The following AMN1 variants were observed in gnomAD, a reference collection of about 807,000 sequenced individuals.
The protein encoded by AMN1 is antagonist of mitotic exit network 1 homolog, also known as protein AMN1 homolog.
In AMN1, 20 loss-of-function variants were observed where a neutral mutation model predicts 33.0. That is an observed-to-expected ratio of 0.61 (90% CI 0.43 to 0.88). The LOEUF (loss-of-function observed/expected upper bound fraction) is 0.88. Ranked by LOEUF, AMN1 falls within the 40% of genes least tolerant of loss-of-function variation. The pLI is 0.00. For missense variants in AMN1, 246 were observed against 307.4 expected (o/e 0.80, Z 1.49); for synonymous variants, 114 against 111.9 (o/e 1.02, Z -0.12).
In AMN1 at chr12:31,709,364, G is replaced by A; in HGVS notation, c.100C>T (p.Pro34Ser). The change falls in exon 2 of 7, where the codon CCC becomes TCC. Residue 34 changes from proline (P) to serine (S), a missense_variant. Physicochemically the swap from Pro to Ser is moderately conservative, Grantham distance 74. Coordinates refer to ENST00000281471, the MANE Select transcript of AMN1 (RefSeq NM_001113402.2). ...RYLTDIKPLP[P>S]NIKDRLIKIM... Reference sequence around the variant, plus strand: ...TTAATCAGTCTGTCTTTTATGTTGGGAGGCAAAGGCTTAATGTCTGTGAGA... The same window carrying A: ...TTAATCAGTCTGTCTTTTATGTTGGAAGGCAAAGGCTTAATGTCTGTGAGA... 2.5e-6 allele frequency: 4 copies of A among 1,613,760 alleles called. No individual in the cohort carries two copies. Among genetic ancestry groups the A allele is most frequent in the Non-Finnish European group, 3.4e-6 (4 of 1,179,790 alleles).
chr12:31,724,223 A>T lies in AMN1; in HGVS notation c.38+4748T>A, dbSNP rs569062675. ...AACAACAACAACAATAAAATAGAAC[A>T]GTTATAACAACATCTACAAGGATTG... On this transcript the variant is annotated intron_variant, in intron 1 of 6. Coordinates refer to ENST00000281471, the MANE Select transcript of AMN1 (RefSeq NM_001113402.2). 5.9e-5 allele frequency among the ~76,000 whole-genome samples: 9 copies of T among 152,372 alleles called. 1 individual carries two copies. Among genetic ancestry groups the T allele is most frequent in the African/African-American group, 2.2e-4 (9 of 41,586 alleles).
In AMN1 at chr12:31,676,958, G is replaced by C. The variant is rs558893065; in HGVS notation, c.704-4581C>G. On this transcript the variant is annotated intron_variant, in intron 6 of 6. Transcript: ENST00000281471. ...ATTATGCTACAGGGAAAAACTATGGGGTCGCTAAGTATTTCATAATCTCTT... is the reference window on the plus strand; with the variant it reads ...ATTATGCTACAGGGAAAAACTATGGCGTCGCTAAGTATTTCATAATCTCTT... Among the ~76,000 whole-genome samples the C allele has an allele frequency of 2.0e-5, 3 of 151,704 alleles. No homozygotes were observed. In the South Asian group the frequency reaches 6.2e-4, roughly 31 times the overall value.
At chr12:31,703,058 C>T (rs1249339741) in intron 2 of AMN1, among the ~76,000 whole-genome samples, 2 of 151,228 alleles carry the variant, frequency 1.3e-5, no homozygotes, top group Admixed American at 1.3e-4. Flanking sequence ...ATTTAATATT[C>T]TCTCTCTCTC....
At chr12:31,712,799 G>A (rs1592171887) in intron 1 of AMN1, among the ~76,000 whole-genome samples, 1 of 152,058 alleles carries the variant, frequency 6.6e-6, no homozygotes, top group East Asian at 1.9e-4. Context: ...GGGACTACAG[G>A]TGCATGCCAC....
intron 6 of AMN1, among the ~76,000 whole-genome samples, chr12:31,675,747 T>C (rs925884147): frequency 2.0e-5 from 3 of 151,740 alleles, no homozygotes; most frequent in Non-Finnish European, 4.4e-5. Context: ...TGAGACCTGA[T>C]CCACCTGCCT....
chr12:31,689,221 T>A, intron 5 of AMN1, 103 bp from the exon 6 acceptor site: 1 of 761,804 alleles, frequency 1.3e-6, no homozygotes, highest in Non-Finnish European at 2.1e-6. Flanking sequence ...ACCAGATATC[T>A]ACTTGCAAAA....
At chr12:31,698,093 A>G in intron 3 of AMN1, 136 bp from the exon 4 acceptor site, 1 of 763,586 alleles carries the variant, frequency 1.3e-6, no homozygotes. Flanking sequence ...GTGAGGAAAT[A>G]CTGATTTTCC....
chr12:31,706,311 CAAAAAAAAAA>C (rs3032986), intron 2 of AMN1, among the ~76,000 whole-genome samples: 1 of 66,028 alleles, frequency 1.5e-5, no homozygotes, highest in Non-Finnish European at 3.0e-5. Context: ...GACTCCGTCT[CAAAAAAAAAA>C]AAAAAAAAAA....
chr12:31,723,019 G>A lies in AMN1; in HGVS notation c.38+5952C>T, dbSNP rs1019459973. On this transcript the variant is annotated intron_variant, in intron 1 of 6. Transcript: ENST00000281471. ...TAAAAATACAAAAAATTAGCCAGGTGTGGTAGTGCATGCCTGTAATCCCAG... is the reference window on the plus strand; with the variant it reads ...TAAAAATACAAAAAATTAGCCAGGTATGGTAGTGCATGCCTGTAATCCCAG... Among the ~76,000 whole-genome samples the A allele has an allele frequency of 2.0e-5, 3 of 152,176 alleles. 1 individual carries two copies. The highest frequency in any genetic ancestry group is 7.2e-5 in the African/African-American group (3 of 41,532).
chr12:31,712,148 C>T lies in AMN1; in HGVS notation c.39-2723G>A, dbSNP rs192977720. Among the ~76,000 whole-genome samples the T allele has an allele frequency of 2.3e-3, 349 of 152,102 alleles. 1 individual carries two copies. Among genetic ancestry groups the T allele is most frequent in the African/African-American group, 8.1e-3 (338 of 41,496 alleles). ...TTGGGGTGCAATGGTGCAATCACAG[C>T]TCACTGCAGCCTTAACCTCCTAGGC... On this transcript the variant is annotated intron_variant, in intron 1 of 6. Coordinates refer to ENST00000281471, the MANE Select transcript of AMN1 (RefSeq NM_001113402.2).
Position 31,701,894 on chromosome 12 carries a change from T to G in AMN1, c.285A>C (p.Ser95=). The part of the protein sequence containing the change: ...RKLKKLNLNA[S]KGNRVSVTSE... ...AAGTTACAGAAACTCGGTTCCCTTT[T>G]GAAGCATTTAAATTTAATTTCTTCA... is the stretch of plus-strand genomic sequence containing the variant. The change falls in exon 3 of 7, where the codon TCA becomes TCC. Residue 95 remains serine (S), a synonymous_variant. Coordinates refer to ENST00000281471, the MANE Select transcript of AMN1 (RefSeq NM_001113402.2). 2 of 1,607,186 alleles carry G rather than the reference T, an allele frequency of 1.2e-6. No individual in the cohort carries two copies. The highest frequency in any genetic ancestry group is 1.7e-6 in the Non-Finnish European group (2 of 1,178,278).
chr12:31,699,395 CAAAAAAAAAAAAA>C (rs34860207), intron 3 of AMN1, among the ~76,000 whole-genome samples: 8 of 36,870 alleles, frequency 2.2e-4, no homozygotes, highest in African/African-American at 5.8e-4. Context: ...GACTCTGTCT[CAAAAAAAAAAAAA>C]AAAAAAAAAA....
rs1371569344 is a variant in AMN1 at position 31,689,198 on chromosome 12, T to C, written c.592-80A>G. ...GTATGAACAATTTTGAGAAACATTC[T>C]GATACAAAAAGAACCAGATATCTAC... On this transcript the variant is annotated intron_variant, in intron 5 of 6. Coordinates refer to ENST00000281471, the MANE Select transcript of AMN1 (RefSeq NM_001113402.2). The C allele has an allele frequency of 3.1e-6, 3 of 970,766 alleles. No homozygotes were observed. The East Asian group carries it at 8.1e-5, about 26-fold the overall frequency. 60.1% of individuals were successfully genotyped at this position (970,766 alleles called of 1,614,324 possible). A position where few individuals can be genotyped will look rare whatever the true frequency, so the allele number is the denominator to read the frequency against.
Position 31,685,807 on chromosome 12 carries a change from A to AAAAAAAAAG in AMN1, c.703+3199_703+3200insCTTTTTTTT, listed in dbSNP as rs561225051. Among the ~76,000 whole-genome samples, 1,121 of 146,212 alleles carry AAAAAAAAAG rather than the reference A, an allele frequency of 7.7e-3. 21 individuals carry two copies. Among genetic ancestry groups the AAAAAAAAAG allele is most frequent in the African/African-American group, 0.028 (1,059 of 37,986 alleles). ...CAGAGCAAGACTCATTATCAAAAAAAAAAGAAAGAAAGAAAGAAAAAAGGA... is the reference window on the plus strand; with the variant it reads ...CAGAGCAAGACTCATTATCAAAAAAAAAAAAAAAGAAAGAAAGAAAGAAAGAAAAAAGGA... On this transcript the variant is annotated intron_variant, in intron 6 of 6. Transcript: ENST00000281471.
chr12:31,718,739 T>G (rs59091295), intron 1 of AMN1, among the ~76,000 whole-genome samples: 9,392 of 152,330 alleles, frequency 0.062, 559 homozygotes, highest in East Asian at 0.28. Context: ...TCTATAGACC[T>G]GTCTGCTGCC....
At chr12:31,719,285 G>A in intron 1 of AMN1, 1 of 872,828 alleles carries the variant, frequency 1.1e-6, no homozygotes, top group Non-Finnish European at 1.4e-6. Context: ...GACTGGAGCT[G>A]TTCCCATTTA....
At chr12:31,685,564 G>T (rs4584661) in intron 6 of AMN1, among the ~76,000 whole-genome samples, 15,524 of 151,988 alleles carry the variant, frequency 0.1, 1,407 homozygotes, top group East Asian at 0.39. Flanking sequence ...ACTTTGGGAG[G>T]CCAAGGCGGG....
upstream of AMN1, chr12:31,729,172 G>T: frequency 1.4e-6 from 1 of 718,612 alleles, no homozygotes; most frequent in Non-Finnish European, 2.2e-6. Flanking sequence ...CACAAGGAAA[G>T]AAGAGAGCCC....
At chr12:31,718,318 C>G (rs886524025) in intron 1 of AMN1, among the ~76,000 whole-genome samples, 18 of 151,878 alleles carry the variant, frequency 1.2e-4, no homozygotes, top group African/African-American at 4.4e-4. Flanking sequence ...TTCCTGTAAC[C>G]TTTTATCAAG....
Sources: allele counts gnomAD v4.1 joint callset (sites outside exome capture counted in the v4.1 genomes callset), GRCh38; gene constraint gnomAD v4.1.1; transcripts MANE v1.5; gene names NCBI Gene and HGNC (gene_info 2026-07-23, HGNC 2026-07-21).